ISL2: variants seen among roughly 807,000 people sequenced by gnomAD.
The protein encoded by ISL2 is insulin gene enhancer protein ISL-2.
Under a neutral mutation model 34.6 loss-of-function variants are expected in ISL2, and 17 were observed. That is an observed-to-expected ratio of 0.49 (90% CI 0.34 to 0.74). The LOEUF (loss-of-function observed/expected upper bound fraction) is 0.74. Ranked by LOEUF, ISL2 falls within the 30% of genes least tolerant of loss-of-function variation. The probability of loss-of-function intolerance (pLI) is 0.01; values close to 1 mark genes in which losing one functional copy is unlikely to be tolerated. For missense variants in ISL2, 469 were observed against 515.2 expected (o/e 0.91, Z 0.87); for synonymous variants, 232 against 225.5 (o/e 1.03, Z -0.26).
At chr15:76,338,967 G>C (rs1042949465) in intron 3 of ISL2, 1 of 985,296 alleles carries the variant, frequency 1.0e-6, no homozygotes, top group African/African-American at 1.7e-5. Context: ...TCAGCCAGGA[G>C]CCAAGAACCC....
At chr15:76,337,230 G>GT (rs11439488) in intron 1 of ISL2, among the ~76,000 whole-genome samples, 76,650 of 145,286 alleles carry the variant, frequency 0.53, 20,227 homozygotes, top group Middle Eastern at 0.59. Context: ...AGGGATGTGG[G>GT]TTTTTTTTTT....
At position 76,338,395 on chromosome 15, in the gene ISL2, CGCTGCGGGAGCACGA is replaced by C; in HGVS notation, c.398_412del (p.Arg133_Leu137del). The C allele has an allele frequency of 6.5e-7, 1 of 1,536,712 alleles. No individual in the cohort carries two copies. The highest frequency in any genetic ancestry group is 8.7e-7 in the Non-Finnish European group (1 of 1,151,318). On this transcript the variant is annotated inframe_deletion, in exon 3 of 6. Coordinates refer to ENST00000290759, the MANE Select transcript of ISL2 (RefSeq NM_145805.3). ...CAGCTGCTGCCTGGGGACGAGTTCTCGCTGCGGGAGCACGAGCTGCTCTGCCGCGCCGACCACGGC... is the reference window on the plus strand; with the variant it reads ...CAGCTGCTGCCTGGGGACGAGTTCTCGCTGCTCTGCCGCGCCGACCACGGC...
chr15:76,339,796 C>T (rs2040180041), intron 3 of ISL2: 3 of 995,056 alleles, frequency 3.0e-6, no homozygotes, highest in Admixed American at 5.5e-5. Flanking sequence ...GAAGGGCCCT[C>T]GTAGGCCCCC....
At position 76,340,292 on chromosome 15, in the gene ISL2, G is replaced by A; in HGVS notation, c.528G>A (p.Arg176=). The A allele has an allele frequency of 1.2e-6, 2 of 1,606,022 alleles. No individual in the cohort carries two copies. The highest frequency in any genetic ancestry group is 2.2e-5 in the East Asian group (1 of 44,764). Residue 176 remains arginine, a synonymous_variant, in exon 4 of 6, where the codon CGG becomes CGA. Coordinates refer to ENST00000290759, the MANE Select transcript of ISL2 (RefSeq NM_145805.3). ...TCCTGGCAGACGCTGGGTCGGGCCGGCAGCCCGCGTTGCGCCCGCACGTGC... is the reference window on the plus strand; with the variant it reads ...TCCTGGCAGACGCTGGGTCGGGCCGACAGCCCGCGTTGCGCCCGCACGTGC... ...GLHLPDAGSG[R]QPALRPHVHK...
rs1431230694 is a variant in ISL2, at chr15:76,341,859, G to A, written c.*24G>A. 2 of 1,502,874 alleles carry A rather than the reference G, an allele frequency of 1.3e-6. No homozygotes were observed. Among genetic ancestry groups the A allele is most frequent in the South Asian group, 1.1e-5 (1 of 88,854 alleles). 93.1% of individuals were successfully genotyped at this position (1,502,874 alleles called of 1,614,324 possible). On this transcript the variant is annotated 3_prime_UTR_variant, in exon 6 of 6. Coordinates refer to ENST00000290759, the MANE Select transcript of ISL2 (RefSeq NM_145805.3). ...GAGGGGGACCCCTCCCTGCCAGCCC[G>A]CGGACCTCGCATGCTCCCTGCATGA...
In ISL2 at chr15:76,340,338, A is replaced by T. The variant is rs1466281250; in HGVS notation, c.574A>T (p.Thr192Ser). Residue 192 changes from threonine (T) to serine (S), a missense_variant, in exon 4 of 6, where the codon ACC (threonine) becomes TCC (serine). Thr to Ser is a moderately conservative substitution (Grantham distance 58, BLOSUM62 1). Around this residue, in one of 3 missense-constraint regions of ISL2, gnomAD observed 297 missense variants for 337.8 expected, o/e 0.88. Transcript: ENST00000290759. Reference protein sequence around the residue: ...PHVHKQTEKTTRVRTVLNEKQ... With the variant: ...PHVHKQTEKTSRVRTVLNEKQ... ...CGTGCACAAGCAGACGGAGAAGACG[A>T]CCCGCGTGCGGACTGTGCTGAACGA... 1 of 1,612,312 alleles carries T rather than the reference A, an allele frequency of 6.2e-7. No homozygotes were observed. The highest frequency in any genetic ancestry group is 1.1e-5 in the South Asian group (1 of 91,020).
chr15:76,338,174 G>C (rs1282550717), intron 2 of ISL2, 78 bp from the exon 3 acceptor site: 2 of 1,476,256 alleles, frequency 1.4e-6, no homozygotes, highest in Non-Finnish European at 9.0e-7. Context: ...TCCTGGGCGC[G>C]CGCCGGAGCC....
Position 76,338,289 on chromosome 15 carries a change from T to C in ISL2, c.286T>C (p.Phe96Leu). ...CAAGTGCGCCAAGTGCCAGGTGGGC[T>C]TCAGCAGCAGCGACCTGGTGATGAG... ...GIKCAKCQVG[F>L]SSSDLVMRAR... Residue 96 changes from phenylalanine (F) to leucine (L), a missense_variant, in exon 3 of 6, where the codon TTC becomes CTC. By Grantham distance (22) the Phe-to-Leu change is conservative. Coordinates refer to ENST00000290759, the MANE Select transcript of ISL2 (RefSeq NM_145805.3). The C allele has an allele frequency of 1.9e-6, 3 of 1,584,446 alleles. No homozygotes were observed. Among genetic ancestry groups the C allele is most frequent in the Non-Finnish European group, 2.6e-6 (3 of 1,170,540 alleles).
chr15:76,339,698 G>A (rs1228584034), intron 3 of ISL2: 3 of 985,736 alleles, frequency 3.0e-6, no homozygotes, highest in South Asian at 4.7e-5. Flanking sequence ...GGAAGGAACT[G>A]TTGCAAGCCC....
Position 76,338,285 on chromosome 15 carries a change from G to T in ISL2, c.282G>T (p.Val94=). ...LFGIKCAKCQ[V]GFSSSDLVMR... Reference sequence around the variant, plus strand: ...GCATCAAGTGCGCCAAGTGCCAGGTGGGCTTCAGCAGCAGCGACCTGGTGA... The same window carrying T: ...GCATCAAGTGCGCCAAGTGCCAGGTTGGCTTCAGCAGCAGCGACCTGGTGA... The change falls in exon 3 of 6, where the codon GTG becomes GTT. Residue 94 remains valine (V), a synonymous_variant. Transcript: ENST00000290759. 1 of 1,583,552 alleles carries T rather than the reference G, an allele frequency of 6.3e-7. No individual in the cohort carries two copies. The highest frequency in any genetic ancestry group is 8.5e-7 in the Non-Finnish European group (1 of 1,170,198).
In ISL2 at chr15:76,338,276, G is replaced by A. The variant is rs1310969927; in HGVS notation, c.273G>A (p.Lys91=). The A allele has an allele frequency of 1.3e-6, 2 of 1,581,734 alleles. No homozygotes were observed. The highest frequency in any genetic ancestry group is 1.1e-5 in the South Asian group (1 of 88,194). ...YVRLFGIKCA[K]CQVGFSSSDL... ...GGCTGTTCGGCATCAAGTGCGCCAAGTGCCAGGTGGGCTTCAGCAGCAGCG... is the reference window on the plus strand; with the variant it reads ...GGCTGTTCGGCATCAAGTGCGCCAAATGCCAGGTGGGCTTCAGCAGCAGCG... The change falls in exon 3 of 6, where the codon AAG becomes AAA. Residue 91 remains lysine (K), a synonymous_variant. Transcript: ENST00000290759.
chr15:76,337,978 C>A lies in ISL2; in HGVS notation c.248+11C>A. On this transcript the variant is annotated intron_variant, in intron 2 of 5. Coordinates refer to ENST00000290759, the MANE Select transcript of ISL2 (RefSeq NM_145805.3). ...GCGGGACTATGTCAGGTGAGGCCGG[C>A]GGGAACGCGGGCTGGGCCACCGCGC... 1 of 1,547,412 alleles carries A rather than the reference C, an allele frequency of 6.5e-7. No individual in the cohort carries two copies. Among genetic ancestry groups the A allele is most frequent in the African/African-American group, 1.4e-5 (1 of 70,876 alleles).
Position 76,338,416 on chromosome 15 carries a change from T to C in ISL2, c.413T>C (p.Leu138Pro). The C allele has an allele frequency of 6.6e-7, 1 of 1,507,774 alleles. No homozygotes were observed. The highest frequency in any genetic ancestry group is 1.2e-5 in the South Asian group (1 of 81,014). The allele number at this position is 1,507,774 out of a possible 1,614,324, so 93.4% of individuals were successfully genotyped here. ...TTCTCGCTGCGGGAGCACGAGCTGCTCTGCCGCGCCGACCACGGCCTCCTG... is the reference window on the plus strand; with the variant it reads ...TTCTCGCTGCGGGAGCACGAGCTGCCCTGCCGCGCCGACCACGGCCTCCTG... Reference protein sequence around the residue: ...DEFSLREHELLCRADHGLLLE... With the variant: ...DEFSLREHELPCRADHGLLLE... The change falls in exon 3 of 6, where the codon CTC becomes CCC. Residue 138 changes from leucine (L) to proline (P), a missense_variant. Physicochemically the swap from Leu to Pro is moderately conservative, Grantham distance 98. Coordinates refer to ENST00000290759, the MANE Select transcript of ISL2 (RefSeq NM_145805.3).
chr15:76,340,668 G>A (rs1482703707), intron 4 of ISL2, 109 bp downstream of exon 4: 5 of 1,034,114 alleles, frequency 4.8e-6, no homozygotes, highest in East Asian at 2.5e-5. Flanking sequence ...GGAGAACTGG[G>A]CGCTCCAGAT....
At chr15:76,339,334 T>C (rs1347890445) in intron 3 of ISL2, 1 of 984,388 alleles carries the variant, frequency 1.0e-6, no homozygotes, top group Non-Finnish European at 1.2e-6. Context: ...CTGGATGGGC[T>C]ATTTGTAAAT....
At chr15:76,339,396 A>G (rs1229835555) in intron 3 of ISL2, 1 of 985,362 alleles carries the variant, frequency 1.0e-6, no homozygotes, top group African/African-American at 1.7e-5. Context: ...GAAATGGTGC[A>G]GTACAGATCC....
Position 76,336,903 on chromosome 15 carries a change from A to G in ISL2, c.20A>G (p.His7Arg). 8.7e-6 allele frequency: 14 copies of G among 1,613,190 alleles called. No homozygotes were observed. Among genetic ancestry groups the G allele is most frequent in the Non-Finnish European group, 1.2e-5 (14 of 1,179,232 alleles). Residue 7 changes from histidine to arginine, a missense_variant, in exon 1 of 6, where the codon CAT (histidine) becomes CGT (arginine). His to Arg is a conservative substitution (Grantham distance 29, BLOSUM62 0). This residue lies in a region of ISL2 where 297 missense variants were observed against 337.8 expected (regional missense o/e 0.88). Transcript: ENST00000290759. Reference protein sequence around the residue: MVDIIFHYPFLGAMGDH... With the variant: MVDIIFRYPFLGAMGDH... ...TTCTGCATGGTGGATATTATTTTTCATTATCCTTTTCTGGGTGCTATGGGT... is the reference window on the plus strand; with the variant it reads ...TTCTGCATGGTGGATATTATTTTTCGTTATCCTTTTCTGGGTGCTATGGGT...
chr15:76,340,226 G>A (rs1018029539), intron 3 of ISL2, 50 bp from the exon 4 acceptor site: 21 of 1,488,706 alleles, frequency 1.4e-5, no homozygotes, highest in Non-Finnish European at 1.8e-5. Context: ...GGCTCGGGGC[G>A]GGTGGGTGGC....
chr15:76,340,329 G>A lies in ISL2; in HGVS notation c.565G>A (p.Glu189Lys). The A allele has an allele frequency of 6.2e-7, 1 of 1,611,994 alleles. No homozygotes were observed. The highest frequency in any genetic ancestry group is 8.5e-7 in the Non-Finnish European group (1 of 1,179,808). Reference protein sequence around the residue: ...ALRPHVHKQTEKTTRVRTVLN... With the variant: ...ALRPHVHKQTKKTTRVRTVLN... Reference sequence around the variant, plus strand: ...GCGCCCGCACGTGCACAAGCAGACGGAGAAGACGACCCGCGTGCGGACTGT... The same window carrying A: ...GCGCCCGCACGTGCACAAGCAGACGAAGAAGACGACCCGCGTGCGGACTGT... Residue 189 changes from glutamate (E) to lysine (K), a missense_variant, in exon 4 of 6, where the codon GAG (glutamate) becomes AAG (lysine). Around this residue, in one of 3 missense-constraint regions of ISL2, gnomAD observed 297 missense variants for 337.8 expected, o/e 0.88. Coordinates refer to ENST00000290759, the MANE Select transcript of ISL2 (RefSeq NM_145805.3).
Sources: allele counts gnomAD v4.1 joint callset (sites outside exome capture counted in the v4.1 genomes callset), GRCh38; gene constraint gnomAD v4.1.1; regional missense constraint gnomAD v4.1.1; transcripts MANE v1.5; gene names NCBI Gene and HGNC (gene_info 2026-07-23, HGNC 2026-07-21).